Variants in PCDH9 observed in about 807,000 individuals in gnomAD.
PCDH9 encodes the protein protocadherin 9.
Under a neutral mutation model 70.6 loss-of-function variants are expected in PCDH9, and 24 were observed. The ratio of observed to expected loss-of-function variants is 0.34; its 90% CI spans 0.25 to 0.48. PCDH9 has a LOEUF of 0.48. PCDH9 is among the 20% of genes least tolerant of loss of function. The pLI is 0.99. For missense variants in PCDH9, 1,281 were observed against 1,503.6 expected, an observed-to-expected ratio of 0.85 and a Z score of 2.45; for synonymous variants, 562 against 558.5, an observed-to-expected ratio of 1.01 and a Z score of -0.09.
chr13:66,397,483 T>C (rs1957120622), intron 4 of PCDH9, among the ~76,000 whole-genome samples: 2 of 150,496 alleles, frequency 1.3e-5, no homozygotes, highest in Admixed American at 6.7e-5. Context: ...TGTGTGTATA[T>C]ATATATATGT....
intron 2 of PCDH9, among the ~76,000 whole-genome samples, chr13:67,154,325 C>T (rs997174595): frequency 2.0e-5 from 3 of 152,088 alleles, no homozygotes; most frequent in Non-Finnish European, 4.4e-5. Context: ...TGTGGTGGCT[C>T]ATGCCAGTAA....
intron 3 of PCDH9, among the ~76,000 whole-genome samples, chr13:66,787,838 A>G (rs2080103989): frequency 6.6e-6 from 1 of 152,136 alleles, no homozygotes; most frequent in African/African-American, 2.4e-5. Flanking sequence ...CTATTTAACT[A>G]TGACACAGTA....
At chr13:66,728,096 T>C (rs750379342) in intron 3 of PCDH9, among the ~76,000 whole-genome samples, 20 of 152,328 alleles carry the variant, frequency 1.3e-4, no homozygotes, top group Non-Finnish European at 2.2e-4. Context: ...ATCTCTATTT[T>C]TCATAATAAG....
At chr13:66,529,245 C>T (rs1225298109) in intron 4 of PCDH9, among the ~76,000 whole-genome samples, 2 of 152,066 alleles carry the variant, frequency 1.3e-5, no homozygotes, top group Non-Finnish European at 2.9e-5. Context: ...CTCTCAAATA[C>T]TGACAGGCTG....
At chr13:66,747,903 A>G (rs2079397032) in intron 3 of PCDH9, among the ~76,000 whole-genome samples, 1 of 152,182 alleles carries the variant, frequency 6.6e-6, no homozygotes, top group Admixed American at 6.5e-5. Context: ...CTTGTTCGTT[A>G]TGTAGTAATT....
chr13:66,656,507 T>G (rs893490769), intron 3 of PCDH9, among the ~76,000 whole-genome samples: 1 of 152,216 alleles, frequency 6.6e-6, no homozygotes, highest in Non-Finnish European at 1.5e-5. Context: ...TGAAAGCTAA[T>G]TATTTCCTTT....
At chr13:66,547,784 A>T (rs916228012) in intron 4 of PCDH9, among the ~76,000 whole-genome samples, 2 of 150,772 alleles carry the variant, frequency 1.3e-5, no homozygotes, top group Non-Finnish European at 3.0e-5. Context: ...ATAAGATAGA[A>T]TGCGCATTTT....
intron 4 of PCDH9, among the ~76,000 whole-genome samples, chr13:66,479,540 C>A (rs1030461614): frequency 6.6e-6 from 1 of 152,162 alleles, no homozygotes; most frequent in Non-Finnish European, 1.5e-5. Flanking sequence ...AGAGGTGAAG[C>A]CAGCTGGACT....
intron 3 of PCDH9, among the ~76,000 whole-genome samples, chr13:66,829,211 T>A (rs2080880045): frequency 6.6e-6 from 1 of 151,982 alleles, no homozygotes; most frequent in African/African-American, 2.4e-5. Context: ...GAGATGGGGT[T>A]TTTCCATGTT....
intron 2 of PCDH9, among the ~76,000 whole-genome samples, chr13:66,904,264 A>G (rs1253590661): frequency 6.6e-6 from 1 of 152,088 alleles, no homozygotes; most frequent in Non-Finnish European, 1.5e-5. Context: ...ATTATAGAAC[A>G]TAAGATATTA....
At chr13:67,016,098 C>T (rs2084555460) in intron 2 of PCDH9, among the ~76,000 whole-genome samples, 2 of 151,910 alleles carry the variant, frequency 1.3e-5, no homozygotes. Context: ...TTTAGTGTAC[C>T]TTTAGGTTTA....
chr13:66,538,793 C>A (rs1960819883), intron 4 of PCDH9, among the ~76,000 whole-genome samples: 1 of 152,074 alleles, frequency 6.6e-6, no homozygotes, highest in African/African-American at 2.4e-5. Context: ...ACATAACTAT[C>A]ATACATAAGA....
intron 2 of PCDH9, among the ~76,000 whole-genome samples, chr13:67,042,878 TTAGGTTAGAAATTA>T (rs2085149707): frequency 6.6e-6 from 1 of 152,032 alleles, no homozygotes; most frequent in African/African-American, 2.4e-5. Flanking sequence ...CTAAGAAATG[TTAGGTTAGAAATTA>T]CATAAAAGGT....
chr13:66,815,597 A>T (rs1294795677), intron 3 of PCDH9, among the ~76,000 whole-genome samples: 2 of 152,316 alleles, frequency 1.3e-5, no homozygotes, highest in Middle Eastern at 3.4e-3. Context: ...AGCCATAAAG[A>T]GAACAAGACC....
intron 2 of PCDH9, among the ~76,000 whole-genome samples, chr13:66,922,233 T>A (rs568141037): frequency 6.6e-6 from 1 of 151,476 alleles, no homozygotes; most frequent in Non-Finnish European, 1.5e-5. Flanking sequence ...CATCAAAAAT[T>A]ATTAATATTT....
chr13:66,671,233 T>C (rs932065400), intron 3 of PCDH9, among the ~76,000 whole-genome samples: 1 of 152,210 alleles, frequency 6.6e-6, no homozygotes, highest in Non-Finnish European at 1.5e-5. Flanking sequence ...ATTAAACCTC[T>C]TTTTCTTTAT....
intron 4 of PCDH9, among the ~76,000 whole-genome samples, chr13:66,527,274 A>T (rs1378486740): frequency 6.6e-6 from 1 of 152,166 alleles, no homozygotes; most frequent in African/African-American, 2.4e-5. Context: ...AAAACAAAAA[A>T]AAAAAGAAAA....
intron 3 of PCDH9, among the ~76,000 whole-genome samples, chr13:66,868,420 G>A (rs2081612856): frequency 6.6e-6 from 1 of 151,758 alleles, no homozygotes; most frequent in Non-Finnish European, 1.5e-5. Flanking sequence ...ATAATCATTG[G>A]CTGTGGTTTT....
At chr13:66,346,409 A>G (rs1956214374) in intron 4 of PCDH9, among the ~76,000 whole-genome samples, 1 of 152,218 alleles carries the variant, frequency 6.6e-6, no homozygotes, top group South Asian at 2.1e-4. Context: ...GTGTGTGCAC[A>G]GGCAGAGAGC....
Sources: gnomAD v4.1 joint callset for allele counts (sites outside exome capture counted in the v4.1 genomes callset) on GRCh38, gnomAD v4.1.1 for gene constraint, MANE v1.5 for transcripts, NCBI Gene and HGNC (gene_info 2026-07-23, HGNC 2026-07-21) for gene names.